PCNX2: variants seen among roughly 807,000 people sequenced by gnomAD.
PCNX2 encodes pecanex-like protein 2.
In PCNX2, 168 loss-of-function variants were observed where a neutral mutation model predicts 223.8. The ratio of observed to expected loss-of-function variants is 0.75; its 90% CI spans 0.66 to 0.85. The LOEUF is 0.85. PCNX2 is among the 40% of genes least tolerant of loss of function. The probability of loss-of-function intolerance (pLI) is 0.00; values close to 1 mark genes in which losing one functional copy is unlikely to be tolerated. For missense variants in PCNX2, 2,507 were observed against 2,675.5 expected (o/e 0.94, Z 1.39); for synonymous variants, 1,006 against 1,052.6 (o/e 0.96, Z 0.86).
chr1:233,038,999 A>T (rs777298217), intron 25 of PCNX2, among the ~76,000 whole-genome samples: 37 of 152,248 alleles, frequency 2.4e-4, no homozygotes, highest in Admixed American at 7.2e-4. Flanking sequence ...ATTCTATAAG[A>T]GCCATCTAGG....
chr1:233,231,246 G>A (rs925482647), intron 9 of PCNX2, among the ~76,000 whole-genome samples: 1 of 151,910 alleles, frequency 6.6e-6, no homozygotes, highest in African/African-American at 2.4e-5. Context: ...TACCTTCACA[G>A]CAAAACAAAT....
At chr1:233,198,715 A>C (rs1193355242) in intron 15 of PCNX2, among the ~76,000 whole-genome samples, 2 of 152,258 alleles carry the variant, frequency 1.3e-5, no homozygotes, top group East Asian at 3.9e-4. Context: ...ACATCTGCAG[A>C]GGGGAGGCCA....
chr1:232,997,641 A>C (rs1325479194), intron 32 of PCNX2, among the ~76,000 whole-genome samples: 1 of 152,112 alleles, frequency 6.6e-6, no homozygotes, highest in Non-Finnish European at 1.5e-5. Context: ...CCACCAGTGG[A>C]GTTTTGGAAC....
chr1:233,177,744 G>C, intron 17 of PCNX2, 58 bp downstream of exon 17: 1 of 1,424,654 alleles, frequency 7.0e-7, no homozygotes, highest in Non-Finnish European at 9.9e-7. Flanking sequence ...TTGAGAGCCT[G>C]ATCTCTGCTG....
At chr1:233,203,751 C>T (rs1437479319) in intron 13 of PCNX2, among the ~76,000 whole-genome samples, 4 of 152,134 alleles carry the variant, frequency 2.6e-5, no homozygotes, top group Non-Finnish European at 4.4e-5. Context: ...CTGGACTGGC[C>T]TCGCTCCTTG....
chr1:233,318,628 A>C, the PCNX2 span, among the ~76,000 whole-genome samples: 297 of 138,786 alleles, frequency 2.1e-3, 1 homozygote, highest in African/African-American at 7.6e-3. Flanking sequence ...CGGTAATGCA[A>C]TCTCAGCTCA....
intron 13 of PCNX2, among the ~76,000 whole-genome samples, chr1:233,204,714 T>C (rs535177046): frequency 6.6e-6 from 1 of 152,252 alleles, no homozygotes; most frequent in Non-Finnish European, 1.5e-5. Flanking sequence ...CAGTGCAAAT[T>C]AGTATGTTTA....
chr1:233,201,223 A>G (rs571815138), intron 13 of PCNX2, among the ~76,000 whole-genome samples: 1 of 151,934 alleles, frequency 6.6e-6, no homozygotes, highest in African/African-American at 2.4e-5. Context: ...GGCTATCTAT[A>G]ATAATAGGGG....
At chr1:233,034,837 G>A (rs543936706) in intron 25 of PCNX2, among the ~76,000 whole-genome samples, 7 of 152,300 alleles carry the variant, frequency 4.6e-5, no homozygotes, top group Non-Finnish European at 1.0e-4. Context: ...AGAGTGGAAG[G>A]GAAAGCTAGA....
intron 25 of PCNX2, among the ~76,000 whole-genome samples, chr1:233,032,312 A>C (rs546143496): frequency 6.6e-5 from 10 of 152,244 alleles, no homozygotes; most frequent in African/African-American, 2.2e-4. Context: ...CCTGTTGGTC[A>C]TGCTGGTCTC....
Position 232,999,349 on chromosome 1 carries a change from C to A in PCNX2, c.5359G>T (p.Ala1787Ser), listed in dbSNP as rs1669994161. The change falls in exon 31 of 34, where the codon GCC (alanine) becomes TCC (serine). Residue 1787 changes from alanine (A) to serine (S), a missense_variant. By Grantham distance (99) the Ala-to-Ser change is moderately conservative. Coordinates refer to ENST00000258229, the MANE Select transcript of PCNX2 (RefSeq NM_014801.4). The stretch of plus-strand genomic sequence containing the variant: ...AATATAAGCTCCTGCTGCTGCCCGG[C>A]CCAAAGTCCTCGGACGCATTCTTTG... The part of the protein sequence containing the change: ...VNKECVRGLW[A>S]GQQQELIFLR... 6.3e-7 allele frequency: 1 copy of A among 1,598,550 alleles called. No individual in the cohort carries two copies. Among genetic ancestry groups the A allele is most frequent in the Non-Finnish European group, 8.5e-7 (1 of 1,172,622 alleles).
chr1:233,076,711 A>G (rs1673112371), intron 23 of PCNX2, among the ~76,000 whole-genome samples: 1 of 152,236 alleles, frequency 6.6e-6, no homozygotes, highest in Non-Finnish European at 1.5e-5. Flanking sequence ...TTCTACAATC[A>G]TCTTGAGACA....
At chr1:233,243,129 G>A (rs946441023) in intron 8 of PCNX2, among the ~76,000 whole-genome samples, 2 of 152,176 alleles carry the variant, frequency 1.3e-5, no homozygotes, top group Non-Finnish European at 2.9e-5. Flanking sequence ...AGAGAAATTT[G>A]TTTCCTCTCC....
intron 23 of PCNX2, among the ~76,000 whole-genome samples, chr1:233,071,003 T>C (rs1278593956): frequency 6.6e-6 from 1 of 152,050 alleles, no homozygotes; most frequent in South Asian, 2.1e-4. Context: ...GCCACTGCAC[T>C]CCAGCCTGGG....
the PCNX2 span, among the ~76,000 whole-genome samples, chr1:233,303,046 CT>C: frequency 6.6e-6 from 1 of 152,072 alleles, no homozygotes; most frequent in African/African-American, 2.4e-5. Context: ...TCCTTACAGA[CT>C]TTTTGTCTGC....
chr1:233,065,264 T>C (rs2102891774), intron 23 of PCNX2, among the ~76,000 whole-genome samples: 1 of 152,340 alleles, frequency 6.6e-6, no homozygotes, highest in South Asian at 2.1e-4. Context: ...CATATGGACA[T>C]AATGAGGCAA....
At chr1:233,137,726 G>T (rs935280493) in intron 20 of PCNX2, among the ~76,000 whole-genome samples, 1 of 152,146 alleles carries the variant, frequency 6.6e-6, no homozygotes, top group Non-Finnish European at 1.5e-5. Context: ...GTAGCAATTG[G>T]TGAACAATGC....
chr1:233,056,957 G>C (rs1672213125), intron 24 of PCNX2, among the ~76,000 whole-genome samples: 1 of 151,972 alleles, frequency 6.6e-6, no homozygotes, highest in Non-Finnish European at 1.5e-5. Flanking sequence ...GTCTGTGTTT[G>C]AGGTTTACTG....
chr1:233,123,557 G>A (rs1334891973), intron 21 of PCNX2, among the ~76,000 whole-genome samples: 1 of 151,664 alleles, frequency 6.6e-6, no homozygotes, highest in African/African-American at 2.4e-5. Context: ...ACTCCAGCCT[G>A]GGCGACAAGA....
Sources: allele counts gnomAD v4.1 joint callset (sites outside exome capture counted in the v4.1 genomes callset), GRCh38; gene constraint gnomAD v4.1.1; transcripts MANE v1.5; gene names NCBI Gene and HGNC (gene_info 2026-07-23, HGNC 2026-07-21).